ASTN2: variants seen among roughly 807,000 people sequenced by gnomAD.
ASTN2 encodes the protein astrotactin 2, also known as astrotactin-2.
ASTN2 carries 54 observed loss-of-function variants against 139.8 expected under a neutral mutation model. The ratio of observed to expected loss-of-function variants is 0.39; its 90% CI spans 0.31 to 0.48. ASTN2 has a LOEUF of 0.48. ASTN2 is among the 20% of genes least tolerant of loss of function. The pLI is 0.95. For synonymous variants in ASTN2, 756 were observed against 719.5 expected, an observed-to-expected ratio of 1.05 and a Z score of -0.81; for missense variants, 1,565 against 1,725.1, an observed-to-expected ratio of 0.91 and a Z score of 1.64.
At chr9:116,795,274 G>A (rs915007723) in intron 13 of ASTN2, among the ~76,000 whole-genome samples, 9 of 152,200 alleles carry the variant, frequency 5.9e-5, no homozygotes, top group African/African-American at 2.2e-4. Flanking sequence ...CACTGCACCC[G>A]GCCTTATCAG....
intron 4 of ASTN2, among the ~76,000 whole-genome samples, chr9:117,120,982 C>T (rs1829543663): frequency 6.6e-6 from 1 of 152,180 alleles, no homozygotes; most frequent in African/African-American, 2.4e-5. Flanking sequence ...GATGTAGTGT[C>T]TATGCTACAG....
chr9:116,682,127 C>A (rs371452280), intron 16 of ASTN2, among the ~76,000 whole-genome samples: 1 of 152,050 alleles, frequency 6.6e-6, no homozygotes, highest in Non-Finnish European at 1.5e-5. Context: ...ACCTACTTAT[C>A]TGACAAAGGG....
chr9:116,934,249 G>T (rs1835002168), intron 10 of ASTN2, among the ~76,000 whole-genome samples: 1 of 151,998 alleles, frequency 6.6e-6, no homozygotes, highest in African/African-American at 2.4e-5. Context: ...TTTCTCAACA[G>T]TCACAGAGGT....
chr9:116,636,310 T>C (rs1024632895), intron 17 of ASTN2, among the ~76,000 whole-genome samples: 1 of 152,220 alleles, frequency 6.6e-6, no homozygotes, highest in African/African-American at 2.4e-5. Flanking sequence ...TATCCTTAAC[T>C]CTAAGGCAAC....
intron 13 of ASTN2, among the ~76,000 whole-genome samples, chr9:116,773,323 C>T (rs1049719290): frequency 1.3e-5 from 2 of 152,160 alleles, no homozygotes; most frequent in East Asian, 3.9e-4. Flanking sequence ...AACCTGATAT[C>T]ATAAAGCTTT....
At chr9:117,174,123 C>CTAGA (rs35789854) in intron 3 of ASTN2, among the ~76,000 whole-genome samples, 6,789 of 146,898 alleles carry the variant, frequency 0.046, 129 homozygotes, top group Admixed American at 0.057. Context: ...AGCTAGCTAA[C>CTAGA]TAGATAGATA....
chr9:116,938,257 TG>T (rs34837430), intron 10 of ASTN2, among the ~76,000 whole-genome samples: 149,250 of 152,266 alleles, frequency 0.98, 73,221 homozygotes, highest in East Asian at 1. Flanking sequence ...CTGTTTGCAA[TG>T]GTAGAGAAGG....
intron 3 of ASTN2, among the ~76,000 whole-genome samples, chr9:117,194,373 C>T (rs1831433340): frequency 6.6e-6 from 1 of 152,206 alleles, no homozygotes. Context: ...GGTTTTTAAA[C>T]TTAAGGTTAT....
At chr9:117,237,259 G>A in intron 2 of ASTN2, among the ~76,000 whole-genome samples, 1 of 151,830 alleles carries the variant, frequency 6.6e-6, no homozygotes, top group Non-Finnish European at 1.5e-5. Flanking sequence ...TTTTTTATAG[G>A]TAAGGACACT....
At chr9:117,060,448 GAA>G (rs781539410) in intron 5 of ASTN2, among the ~76,000 whole-genome samples, 1 of 81,084 alleles carries the variant, frequency 1.2e-5, no homozygotes, top group East Asian at 4.1e-4. Context: ...GAGAGAGAAA[GAA>G]AGAAAGAAAG....
intron 13 of ASTN2, among the ~76,000 whole-genome samples, chr9:116,781,938 G>T (rs1008665604): frequency 6.6e-6 from 1 of 152,102 alleles, no homozygotes; most frequent in African/African-American, 2.4e-5. Flanking sequence ...ACCTCGAGCA[G>T]CTTTCACAAA....
chr9:116,745,387 C>G (rs999145444), intron 13 of ASTN2, among the ~76,000 whole-genome samples: 2 of 152,214 alleles, frequency 1.3e-5, no homozygotes, highest in African/African-American at 2.4e-5. Context: ...CCTCTGCGCT[C>G]TCTCGTAGAC....
intron 4 of ASTN2, among the ~76,000 whole-genome samples, chr9:117,126,555 A>G (rs1181977948): frequency 2.6e-5 from 4 of 152,352 alleles, no homozygotes; most frequent in African/African-American, 9.6e-5. Context: ...ATTAGAAAGT[A>G]GAATAAACAA....
At chr9:117,248,139 C>G (rs74734217) in intron 2 of ASTN2, among the ~76,000 whole-genome samples, 159 of 152,298 alleles carry the variant, frequency 1.0e-3, no homozygotes, top group African/African-American at 3.6e-3. Context: ...TCTCTGATCT[C>G]AAAACATTTC....
chr9:116,621,735 C>T (rs1363544013), intron 17 of ASTN2, among the ~76,000 whole-genome samples: 1 of 152,180 alleles, frequency 6.6e-6, no homozygotes, highest in Admixed American at 6.5e-5. Flanking sequence ...ATTCAGTCAA[C>T]AGTTTGTAAA....
intron 13 of ASTN2, among the ~76,000 whole-genome samples, chr9:116,768,827 G>T (rs976912585): frequency 1.3e-5 from 2 of 152,268 alleles, no homozygotes; most frequent in African/African-American, 4.8e-5. Context: ...AATTTATGTT[G>T]TTTATAGATT....
chr9:117,180,666 G>A lies in ASTN2; in HGVS notation c.1015+33692C>T, dbSNP rs558710761. The A allele has an allele frequency of 3.8e-3, 4,843 of 1,278,866 alleles. 16 individuals carry two copies. Among genetic ancestry groups the A allele is most frequent in the Non-Finnish European group, 4.6e-3 (4,274 of 928,802 alleles). The allele number at this position is 1,278,866 out of a possible 1,614,324, so 79.2% of individuals were successfully genotyped here. ...TTTTGGACAGGAAGTAGAATTTATT[G>A]GTGAGTATTAAGAGGGGGCAGCACA... On this transcript the variant is annotated intron_variant, in intron 3 of 22. Coordinates refer to ENST00000313400, the MANE Select transcript of ASTN2 (RefSeq NM_001365068.1).
At chr9:116,899,462 A>C (rs1833956332) in intron 10 of ASTN2, among the ~76,000 whole-genome samples, 1 of 152,180 alleles carries the variant, frequency 6.6e-6, no homozygotes, top group African/African-American at 2.4e-5. Context: ...TTTCCTCCCC[A>C]CAAAATAATA....
intron 13 of ASTN2, among the ~76,000 whole-genome samples, chr9:116,771,697 T>C (rs1829957464): frequency 1.3e-5 from 2 of 152,222 alleles, no homozygotes; most frequent in African/African-American, 4.8e-5. Flanking sequence ...GGGTAAGATA[T>C]ATCTTTTTCA....
Sources: allele counts gnomAD v4.1 joint callset (sites outside exome capture counted in the v4.1 genomes callset), GRCh38; gene constraint gnomAD v4.1.1; transcripts MANE v1.5; gene names NCBI Gene and HGNC (gene_info 2026-07-23, HGNC 2026-07-21).